Variants in COMMD1 observed in about 807,000 individuals in gnomAD.
The protein encoded by COMMD1 is COMM domain-containing protein 1.
COMMD1 carries 10 observed loss-of-function variants against 17.2 expected under a neutral mutation model. The ratio of observed to expected loss-of-function variants is 0.58; its 90% CI spans 0.36 to 0.99. The LOEUF (loss-of-function observed/expected upper bound fraction) is 0.99, where lower values mean the gene tolerates loss of function less well. Ranked by LOEUF, COMMD1 falls within the 50% of genes least tolerant of loss-of-function variation. The pLI, the probability that COMMD1 is intolerant of heterozygous loss-of-function variation, is 0.01. For missense variants in COMMD1, 270 were observed against 231.8 expected (o/e 1.17, Z -1.07); for synonymous variants, 97 against 91.6 (o/e 1.06, Z -0.34).
At chr2:62,002,689 A>AAAC (rs763733262) in intron 2 of COMMD1, among the ~76,000 whole-genome samples, 1 of 148,662 alleles carries the variant, frequency 6.7e-6, no homozygotes, top group East Asian at 2.0e-4. Flanking sequence ...AAACAAAACA[A>AAAC]AACAACAACA....
At chr2:62,120,352 T>C (rs1672710608) in intron 2 of COMMD1, among the ~76,000 whole-genome samples, 3 of 151,910 alleles carry the variant, frequency 2.0e-5, no homozygotes, top group Admixed American at 1.3e-4. Flanking sequence ...CATGTAAATA[T>C]ATTGTAGTTT....
intron 2 of COMMD1, among the ~76,000 whole-genome samples, chr2:62,060,535 C>T (rs907056674): frequency 5.3e-5 from 8 of 152,094 alleles, no homozygotes; most frequent in African/African-American, 1.9e-4. Context: ...AAAACTTAGT[C>T]TTATATATTT....
chr2:61,898,732 G>A (rs566644300), intron 1 of COMMD1, among the ~76,000 whole-genome samples: 4 of 151,290 alleles, frequency 2.6e-5, no homozygotes, highest in Admixed American at 1.3e-4. Flanking sequence ...AAACCTATTT[G>A]GCCACAATAG....
At chr2:61,971,885 C>T (rs1249061993) in intron 1 of COMMD1, among the ~76,000 whole-genome samples, 2 of 152,018 alleles carry the variant, frequency 1.3e-5, no homozygotes, top group Non-Finnish European at 2.9e-5. Flanking sequence ...CTTTGGTTGG[C>T]CAAGCAGGGA....
chr2:61,945,747 G>A (rs1183984522), intron 1 of COMMD1, among the ~76,000 whole-genome samples: 1 of 152,116 alleles, frequency 6.6e-6, no homozygotes, highest in African/African-American at 2.4e-5. Flanking sequence ...TAATGTGGAA[G>A]GGTCAGACAA....
chr2:61,986,803 A>G (rs1221017205), intron 1 of COMMD1, among the ~76,000 whole-genome samples: 1 of 151,984 alleles, frequency 6.6e-6, no homozygotes, highest in Non-Finnish European at 1.5e-5. Context: ...TCCAGAGCTC[A>G]GGCAATCTGC....
intron 2 of COMMD1, among the ~76,000 whole-genome samples, chr2:62,121,563 C>T (rs1444568838): frequency 1.3e-5 from 2 of 151,178 alleles, no homozygotes; most frequent in African/African-American, 4.9e-5. Context: ...CATGGTGAAA[C>T]CCCATCTCTA....
At chr2:62,089,535 G>A (rs1348163498) in intron 2 of COMMD1, among the ~76,000 whole-genome samples, 2 of 151,984 alleles carry the variant, frequency 1.3e-5, no homozygotes, top group African/African-American at 4.8e-5. Flanking sequence ...CACCTGCCTC[G>A]GCCTCTCAAA....
chr2:61,983,053 G>A (rs1032311319), intron 1 of COMMD1, among the ~76,000 whole-genome samples: 2 of 152,084 alleles, frequency 1.3e-5, no homozygotes, highest in Admixed American at 1.3e-4. Flanking sequence ...AAATTTGGAA[G>A]TATTTTCACC....
At chr2:62,041,191 T>A (rs528299582) in intron 2 of COMMD1, among the ~76,000 whole-genome samples, 2 of 152,248 alleles carry the variant, frequency 1.3e-5, no homozygotes, top group Non-Finnish European at 2.9e-5. Context: ...ACATATAATA[T>A]GTTTCAGACT....
chr2:61,956,827 T>G (rs560295854), intron 1 of COMMD1, among the ~76,000 whole-genome samples: 81 of 152,288 alleles, frequency 5.3e-4, no homozygotes, highest in Admixed American at 1.6e-3. Flanking sequence ...ATCAGCTCAC[T>G]GCAACCTTTG....
At chr2:61,890,857 T>G (rs1162391447) in intron 1 of COMMD1, among the ~76,000 whole-genome samples, 4 of 149,288 alleles carry the variant, frequency 2.7e-5, no homozygotes, top group African/African-American at 7.4e-5. Context: ...AAGAAGGATA[T>G]TAGCACTAGG....
intron 2 of COMMD1, among the ~76,000 whole-genome samples, chr2:62,032,498 C>T (rs548201058): frequency 5.3e-5 from 8 of 152,176 alleles, no homozygotes; most frequent in African/African-American, 1.2e-4. Flanking sequence ...ATCATGCCAC[C>T]GCACTCCAGC....
intron 1 of COMMD1, among the ~76,000 whole-genome samples, chr2:61,953,948 G>A (rs1026169614): frequency 3.3e-5 from 5 of 152,018 alleles, no homozygotes; most frequent in East Asian, 3.8e-4. Context: ...GGCCGGGTGC[G>A]GTGGCTCATG....
At chr2:61,987,365 G>A (rs889829024) in intron 1 of COMMD1, among the ~76,000 whole-genome samples, 3 of 152,034 alleles carry the variant, frequency 2.0e-5, no homozygotes, top group Non-Finnish European at 4.4e-5. Context: ...AAAGGATGGG[G>A]GTGTTGTGAT....
intron 2 of COMMD1, among the ~76,000 whole-genome samples, chr2:62,126,777 G>C (rs944576428): frequency 1.3e-5 from 2 of 152,116 alleles, no homozygotes; most frequent in Non-Finnish European, 2.9e-5. Flanking sequence ...ATATCATACT[G>C]AATGGGCAAA....
At chr2:62,012,270 TACACACACACACAC>T (rs57739132) in intron 2 of COMMD1, among the ~76,000 whole-genome samples, 37 of 129,936 alleles carry the variant, frequency 2.8e-4, no homozygotes, top group East Asian at 9.0e-4. Flanking sequence ...CACACACACA[TACACACACACACAC>T]ACACACACAC....
chr2:61,915,004 T>G (rs1370563499), intron 1 of COMMD1, among the ~76,000 whole-genome samples: 1 of 69,516 alleles, frequency 1.4e-5, no homozygotes, highest in Admixed American at 2.1e-4. Context: ...TTCTTTTCTT[T>G]CCTTTTTTTT....
chr2:61,917,427 A>C (rs1036397989), intron 1 of COMMD1, among the ~76,000 whole-genome samples: 4 of 152,018 alleles, frequency 2.6e-5, no homozygotes, highest in African/African-American at 9.7e-5. Context: ...GTTAGTGATG[A>C]GTTTTTTAAA....
Sources: allele counts gnomAD v4.1 joint callset (sites outside exome capture counted in the v4.1 genomes callset), GRCh38; gene constraint gnomAD v4.1.1; transcripts MANE v1.5; gene names NCBI Gene and HGNC (gene_info 2026-07-23, HGNC 2026-07-21).